Variants in MBNL3 observed in about 807,000 individuals in gnomAD.
MBNL3 encodes muscleblind like splicing regulator 3.
In MBNL3, 6 loss-of-function variants were observed where a neutral mutation model predicts 24.5. That is an observed-to-expected ratio of 0.25 (90% CI 0.13 to 0.48). The LOEUF (loss-of-function observed/expected upper bound fraction) is 0.48, where lower values mean the gene tolerates loss of function less well. MBNL3 is among the 20% of genes least tolerant of loss of function. The pLI is 0.99. For missense variants in MBNL3, 230 were observed against 293.5 expected, an observed-to-expected ratio of 0.78 and a Z score of 1.58; for synonymous variants, 100 against 101.7, an observed-to-expected ratio of 0.98 and a Z score of 0.10.
intron 7 of MBNL3, among the ~76,000 whole-genome samples, chrX:132,383,371 C>A (rs1198342023): frequency 1.8e-5 from 2 of 112,045 alleles, no homozygotes; most frequent in Non-Finnish European, 3.8e-5. Context: ...TATGCCAATT[C>A]TAAAAACACT....
At chrX:132,433,115 A>G (rs1220257988) in intron 2 of MBNL3, among the ~76,000 whole-genome samples, 1 of 111,953 alleles carries the variant, frequency 8.9e-6, no homozygotes, top group African/African-American at 3.3e-5. Flanking sequence ...CTACAGAGGC[A>G]TGTATGGAAT....
intron 3 of MBNL3, among the ~76,000 whole-genome samples, chrX:132,397,988 G>A (rs1207012068): frequency 1.8e-5 from 2 of 110,675 alleles, no homozygotes; most frequent in Non-Finnish European, 1.9e-5. Context: ...AGTACTAATC[G>A]TACTTGTTAA....
In MBNL3 at chrX:132,369,868, C is replaced by G. The variant is rs1438617492; in HGVS notation, c.*9798G>C. 8.9e-6 allele frequency: 1 copy of G among 112,136 alleles called. No homozygotes were observed. The highest frequency in any genetic ancestry group is 1.9e-5 in the Non-Finnish European group (1 of 53,256). 9.2% of individuals were successfully genotyped at this position (112,136 alleles called of 1,213,427 possible). ...GCCCTGCCTGCCTTTTCACTGTGTT[C>G]TTTCCATGCACAACAGAAAAATGCT... On this transcript the variant is annotated 3_prime_UTR_variant, in exon 9 of 9. Transcript: ENST00000370853.
intron 2 of MBNL3, among the ~76,000 whole-genome samples, chrX:132,422,670 A>G (rs961983271): frequency 8.9e-6 from 1 of 112,186 alleles, no homozygotes; most frequent in African/African-American, 3.2e-5. Flanking sequence ...ACAAGTGGTG[A>G]GGAAGGAGGA....
rs138048509 is a variant in MBNL3 at position 132,391,899 on chromosome X, G to A, written c.534+244C>T. 6.2e-3 allele frequency among the ~76,000 whole-genome samples: 695 copies of A among 111,895 alleles called. 7 individuals carry two copies. The highest frequency in any genetic ancestry group is 0.022 in the African/African-American group (668 of 30,856). Reference sequence around the variant, plus strand: ...TAGGTAAAAGGAACATTCCCACAGAGGCTTCCTGTGCCATCGCACAGTCTA... The same window carrying A: ...TAGGTAAAAGGAACATTCCCACAGAAGCTTCCTGTGCCATCGCACAGTCTA... On this transcript the variant is annotated intron_variant, in intron 4 of 8. Coordinates refer to ENST00000370853, the MANE Select transcript of MBNL3 (RefSeq NM_001386889.1).
chrX:132,422,564 A>G (rs972657092), intron 2 of MBNL3, among the ~76,000 whole-genome samples: 4 of 112,014 alleles, frequency 3.6e-5, no homozygotes, highest in Non-Finnish European at 7.5e-5. Context: ...TGGAGGGAAA[A>G]TATAATAGGT....
At chrX:132,396,482 A>G (rs1485446168) in intron 3 of MBNL3, among the ~76,000 whole-genome samples, 1 of 75,181 alleles carries the variant, frequency 1.3e-5, no homozygotes, top group Non-Finnish European at 2.4e-5. Context: ...ATATTCATAT[A>G]TATTCCTATA....
chrX:132,393,415 T>A (rs1240464822), intron 3 of MBNL3, among the ~76,000 whole-genome samples: 2 of 111,062 alleles, frequency 1.8e-5, no homozygotes, highest in African/African-American at 3.3e-5. Flanking sequence ...TATTACTGCT[T>A]TTTCTATTTT....
intron 2 of MBNL3, among the ~76,000 whole-genome samples, chrX:132,418,418 C>A (rs1310196726): frequency 2.7e-5 from 3 of 111,670 alleles, no homozygotes; most frequent in Non-Finnish European, 1.9e-5. Context: ...AAGACGCATG[C>A]CCAAGCTGAC....
At chrX:132,386,580 A>T (rs1275440856) in intron 6 of MBNL3, 81 bp downstream of exon 6, 43 of 1,092,024 alleles carry the variant, frequency 3.9e-5, no homozygotes, top group Non-Finnish European at 5.3e-5. Context: ...CCTCCTATAC[A>T]AGCTCTTTGA....
In MBNL3 at chrX:132,372,432, C is replaced by T. The variant is rs1015242013; in HGVS notation, c.*7234G>A. 2 of 107,393 alleles carry T rather than the reference C, an allele frequency of 1.9e-5. No homozygotes were observed. The highest frequency in any genetic ancestry group is 1.0e-4 in the Admixed American group (1 of 9,905). 8.9% of individuals were successfully genotyped at this position (107,393 alleles called of 1,213,427 possible). ...AATTTGGGAGCATGGGGACAAATGGCTCATTTTCTGTTAAAGCAGCAACAA... is the reference window on the plus strand; with the variant it reads ...AATTTGGGAGCATGGGGACAAATGGTTCATTTTCTGTTAAAGCAGCAACAA... On this transcript the variant is annotated 3_prime_UTR_variant, in exon 9 of 9. Transcript: ENST00000370853.
intron 1 of MBNL3, among the ~76,000 whole-genome samples, chrX:132,473,678 T>C: frequency 9.0e-6 from 1 of 111,359 alleles, no homozygotes; most frequent in Non-Finnish European, 1.9e-5. Flanking sequence ...TTTTTAGGAA[T>C]GTAGCCTTAA....
At chrX:132,463,431 T>C (rs1223722973) in intron 1 of MBNL3, among the ~76,000 whole-genome samples, 1 of 112,240 alleles carries the variant, frequency 8.9e-6, no homozygotes, top group African/African-American at 3.2e-5. Context: ...ACCACTGCAC[T>C]CCAGCCTGGG....
chrX:132,409,011 A>G (rs1258334063), intron 2 of MBNL3, among the ~76,000 whole-genome samples: 1 of 112,518 alleles, frequency 8.9e-6, no homozygotes, highest in African/African-American at 3.2e-5. Flanking sequence ...TTCTCTATCC[A>G]AACAATAGAT....
intron 2 of MBNL3, among the ~76,000 whole-genome samples, chrX:132,426,856 G>C (rs1040232367): frequency 8.0e-5 from 9 of 112,396 alleles, no homozygotes; most frequent in African/African-American, 2.9e-4. Context: ...TGCCTAACAA[G>C]TAAGAGGTTG....
intron 1 of MBNL3, among the ~76,000 whole-genome samples, chrX:132,482,712 A>T (rs1314828882): frequency 8.9e-6 from 1 of 112,586 alleles, no homozygotes; most frequent in Non-Finnish European, 1.9e-5. Context: ...TAATTTAATA[A>T]ATGTAAACAT....
chrX:132,396,442 A>C lies in MBNL3; in HGVS notation c.343-4108T>G, dbSNP rs191919091. On this transcript the variant is annotated intron_variant, in intron 3 of 8. Transcript: ENST00000370853. ...TATATATATATTCCTATATATATTC[A>C]TATATATTCCTATATATATATTCCT... is the stretch of plus-strand genomic sequence containing the variant. Among the ~76,000 whole-genome samples the C allele has an allele frequency of 2.9e-3, 220 of 75,721 alleles. 1 individual carries two copies. Among genetic ancestry groups the C allele is most frequent in the East Asian group, 9.1e-3 (21 of 2,318 alleles). 65.8% of individuals were successfully genotyped at this position (75,721 alleles called of 115,157 possible).
At chrX:132,478,016 A>G (rs933567045) in intron 1 of MBNL3, among the ~76,000 whole-genome samples, 1 of 111,870 alleles carries the variant, frequency 8.9e-6, no homozygotes, top group African/African-American at 3.2e-5. Context: ...TTGCAAACAC[A>G]TTCTCTTGCT....
chrX:132,484,039 C>T (rs1947880120), intron 1 of MBNL3, among the ~76,000 whole-genome samples: 1 of 111,260 alleles, frequency 9.0e-6, no homozygotes, highest in Admixed American at 9.6e-5. Flanking sequence ...TCTATGTAAA[C>T]ATTTCTTTGT....
Sources: allele counts gnomAD v4.1 joint callset (sites outside exome capture counted in the v4.1 genomes callset), GRCh38; gene constraint gnomAD v4.1.1; transcripts MANE v1.5; gene names NCBI Gene and HGNC (gene_info 2026-07-23, HGNC 2026-07-21).